Variants in ADCY2 observed in about 807,000 individuals in gnomAD.
ADCY2 encodes adenylate cyclase type 2.
Under a neutral mutation model 125.2 loss-of-function variants are expected in ADCY2, and 31 were observed. The observed-to-expected ratio is 0.25, with a 90% CI of 0.19 to 0.33. The LOEUF is 0.33. Among genes scored for constraint, ADCY2 ranks in the 10% least tolerant of loss-of-function variants. ADCY2 has a pLI of 1.00. For synonymous variants in ADCY2, 512 were observed against 548.4 expected (o/e 0.93, Z 0.93); for missense variants, 904 against 1,418.2 (o/e 0.64, Z 5.82).
At chr5:7,649,460 G>A (rs1739009309) in intron 4 of ADCY2, among the ~76,000 whole-genome samples, 1 of 152,246 alleles carries the variant, frequency 6.6e-6, no homozygotes, top group Non-Finnish European at 1.5e-5. Flanking sequence ...GAGAGAGGAA[G>A]AGAAGAATGA....
intron 4 of ADCY2, among the ~76,000 whole-genome samples, chr5:7,687,986 G>A (rs907597414): frequency 6.6e-6 from 1 of 152,104 alleles, no homozygotes; most frequent in Non-Finnish European, 1.5e-5. Context: ...AGTACAAAAT[G>A]GGTTTTAATC....
At chr5:7,789,589 C>A in intron 19 of ADCY2, 53 bp from the exon 20 acceptor site, 2 of 1,546,126 alleles carry the variant, frequency 1.3e-6, no homozygotes, top group South Asian at 1.2e-5. Flanking sequence ...CCTCCACTCT[C>A]TGGCAGGACA....
At chr5:7,439,167 G>A (rs1037671454) in intron 2 of ADCY2, among the ~76,000 whole-genome samples, 1 of 152,142 alleles carries the variant, frequency 6.6e-6, no homozygotes, top group African/African-American at 2.4e-5. Context: ...TAAAGAAGTA[G>A]AGTGTATTAG....
chr5:7,666,337 C>T (rs1178949504), intron 4 of ADCY2, among the ~76,000 whole-genome samples: 2 of 151,920 alleles, frequency 1.3e-5, no homozygotes, highest in Non-Finnish European at 2.9e-5. Flanking sequence ...GGCGCGATCT[C>T]GGCTCACTGC....
intron 15 of ADCY2, among the ~76,000 whole-genome samples, chr5:7,747,782 G>A (rs1742675781): frequency 6.6e-6 from 1 of 152,222 alleles, no homozygotes; most frequent in African/African-American, 2.4e-5. Context: ...CTTGTGGATG[G>A]AAAGATCTTC....
chr5:7,631,873 T>G (rs1217650998), intron 4 of ADCY2, among the ~76,000 whole-genome samples: 1 of 152,116 alleles, frequency 6.6e-6, no homozygotes, highest in Non-Finnish European at 1.5e-5. Context: ...AAAACAGTCT[T>G]TTACCAACCC....
At chr5:7,731,368 G>T (rs890615527) in intron 14 of ADCY2, among the ~76,000 whole-genome samples, 17 of 150,406 alleles carry the variant, frequency 1.1e-4, no homozygotes, top group African/African-American at 3.9e-4. Flanking sequence ...CAGTTCTCCT[G>T]TCTCAGCCTC....
chr5:7,697,912 T>C (rs936238040), intron 6 of ADCY2, among the ~76,000 whole-genome samples: 12 of 152,238 alleles, frequency 7.9e-5, no homozygotes, highest in African/African-American at 2.9e-4. Context: ...TAGAATGTTT[T>C]ATTTCACCCT....
At chr5:7,603,790 T>G (rs1737304372) in intron 3 of ADCY2, among the ~76,000 whole-genome samples, 2 of 136,258 alleles carry the variant, frequency 1.5e-5, no homozygotes, top group African/African-American at 6.2e-5. Flanking sequence ...CTTTCTTTTT[T>G]TTTTTTTTTT....
At chr5:7,519,197 A>C (rs144704788) in intron 2 of ADCY2, among the ~76,000 whole-genome samples, 1 of 152,282 alleles carries the variant, frequency 6.6e-6, no homozygotes, top group Non-Finnish European at 1.5e-5. Context: ...GGTTCTTTTC[A>C]GGTTGTAATA....
chr5:7,708,103 G>T (rs971724206), intron 9 of ADCY2: 1 of 326,234 alleles, frequency 3.1e-6, no homozygotes, highest in African/African-American at 2.1e-5. Flanking sequence ...GTGTTAGTCG[G>T]TGTATTCCTT....
At chr5:7,681,127 TC>T (rs150749128) in intron 4 of ADCY2, among the ~76,000 whole-genome samples, 25,577 of 152,212 alleles carry the variant, frequency 0.17, 2,446 homozygotes, top group Admixed American at 0.33. Context: ...TGTGATGACT[TC>T]CCTGCAGTTG....
intron 4 of ADCY2, among the ~76,000 whole-genome samples, chr5:7,638,788 A>G (rs1183076648): frequency 6.6e-6 from 1 of 152,094 alleles, no homozygotes; most frequent in East Asian, 1.9e-4. Flanking sequence ...CTAGACTCTG[A>G]AATCTTTGGC....
At chr5:7,760,006 A>G (rs969797642) in intron 16 of ADCY2, among the ~76,000 whole-genome samples, 1 of 152,166 alleles carries the variant, frequency 6.6e-6, no homozygotes, top group Non-Finnish European at 1.5e-5. Context: ...TGAGAGATTT[A>G]AGACAGGGAC....
rs531744489 is a variant in ADCY2 at position 7,748,084 on chromosome 5, C to G, written c.1956+4332C>G. On this transcript the variant is annotated intron_variant, in intron 15 of 24. Transcript: ENST00000338316. ...ATCCTGATGTTCTCACTTGTTGGAT[C>G]TCCTTAGACACCTCTGCCTCAGGTG... is the stretch of plus-strand genomic sequence containing the variant. 3.9e-5 allele frequency among the ~76,000 whole-genome samples: 6 copies of G among 152,196 alleles called. No individual in the cohort carries two copies. The South Asian group carries it at 1.2e-3, about 32-fold the overall frequency.
rs149831795 is a variant in ADCY2, at chr5:7,818,886, G to A, written c.2999-1679G>A. On this transcript the variant is annotated intron_variant, in intron 23 of 24. Coordinates refer to ENST00000338316, the MANE Select transcript of ADCY2 (RefSeq NM_020546.3). ...TTACATGGGTGTATTAGGGTTATCTGGAGGGACAGAAATAATAGGATAGAT... is the reference window on the plus strand; with the variant it reads ...TTACATGGGTGTATTAGGGTTATCTAGAGGGACAGAAATAATAGGATAGAT... 6.2e-3 allele frequency among the ~76,000 whole-genome samples: 948 copies of A among 152,144 alleles called. 15 individuals carry two copies. The highest frequency in any genetic ancestry group is 0.022 in the African/African-American group (911 of 41,440).
At position 7,828,975 on chromosome 5, in the gene ADCY2, A is replaced by G. The variant is rs1245700083; in HGVS notation, c.*2104A>G. 2 of 152,334 alleles carry G rather than the reference A, an allele frequency of 1.3e-5. No individual in the cohort carries two copies. Among genetic ancestry groups the G allele is most frequent in the Non-Finnish European group, 2.9e-5 (2 of 68,050 alleles). 9.4% of individuals were successfully genotyped at this position (152,334 alleles called of 1,614,324 possible). On this transcript the variant is annotated 3_prime_UTR_variant, in exon 25 of 25. Transcript: ENST00000338316. ...TGCACCGAACTTGGGTTTGCGCTAA[A>G]AAGAACTCAAAAGGAGAACTGTGCT...
At chr5:7,777,153 T>A (rs1390344500) in intron 18 of ADCY2, among the ~76,000 whole-genome samples, 1 of 152,144 alleles carries the variant, frequency 6.6e-6, no homozygotes, top group Non-Finnish European at 1.5e-5. Flanking sequence ...CCCCTCGGTG[T>A]GCCTGAGGAC....
At chr5:7,778,046 A>G (rs535457417) in intron 18 of ADCY2, among the ~76,000 whole-genome samples, 2 of 152,266 alleles carry the variant, frequency 1.3e-5, no homozygotes, top group South Asian at 4.2e-4. Context: ...TTGTCTGTGA[A>G]TTGATCAATA....
Sources: allele counts gnomAD v4.1 joint callset (sites outside exome capture counted in the v4.1 genomes callset), GRCh38; gene constraint gnomAD v4.1.1; transcripts MANE v1.5; gene names NCBI Gene and HGNC (gene_info 2026-07-23, HGNC 2026-07-21).